The following ZNF480 variants were observed in gnomAD, a reference collection of about 807,000 sequenced individuals.
ZNF480 encodes zinc finger protein 480.
A neutral mutation model predicts 14.4 loss-of-function variants in ZNF480; 15 were observed. That is an observed-to-expected ratio of 1.04 (90% CI 0.70 to 1.60). The LOEUF (loss-of-function observed/expected upper bound fraction) is 1.60. ZNF480 is among the 40% of genes most tolerant of loss of function. ZNF480 has a pLI of 0.00. For synonymous variants in ZNF480, 218 were observed against 215.5 expected, an observed-to-expected ratio of 1.01 and a Z score of -0.10; for missense variants, 593 against 629.7, an observed-to-expected ratio of 0.94 and a Z score of 0.62.
chr19:52,314,473 C>CAAAAAA (rs34349660), intron 3 of ZNF480, among the ~76,000 whole-genome samples, 194 bp downstream of exon 3: 2 of 66,208 alleles, frequency 3.0e-5, no homozygotes, highest in African/African-American at 1.3e-4. Context: ...AACTCCGTCC[C>CAAAAAA]AAAAAAAAAA....
rs1983888423 is a variant in ZNF480 at position 52,322,544 on chromosome 19, T to C, written c.1294T>C (p.Cys432Arg). Residue 432 changes from cysteine (C) to arginine (R), a missense_variant, in exon 5 of 5, where the codon TGT becomes CGT. Coordinates refer to ENST00000595962, the MANE Select transcript of ZNF480 (RefSeq NM_144684.4). ...TGEKPYKCNE[C>R]GKAFSEYSGL... ...AGAGAAGCCTTACAAATGTAATGAA[T>C]GTGGTAAAGCATTTAGTGAGTATTC... 1.2e-6 allele frequency: 2 copies of C among 1,614,118 alleles called. No individual in the cohort carries two copies. Among genetic ancestry groups the C allele is most frequent in the Non-Finnish European group, 1.7e-6 (2 of 1,180,006 alleles).
intron 2 of ZNF480, among the ~76,000 whole-genome samples, chr19:52,305,705 T>A (rs1431817927): frequency 6.6e-6 from 1 of 152,090 alleles, no homozygotes; most frequent in Non-Finnish European, 1.5e-5. Context: ...GCTCACAGGT[T>A]TTGTGCAGCA....
chr19:52,300,633 T>C lies in ZNF480; in HGVS notation c.72+149T>C. On this transcript the variant is annotated intron_variant, in intron 2 of 4. Transcript: ENST00000595962. ...GCCTTCCCTCAGTGCCGAGACCAGC[T>C]TGGTCGTGGGGACCCTAACCTAGTG... The C allele has an allele frequency of 3.6e-6, 5 of 1,403,356 alleles. No homozygotes were observed. The African/African-American group carries it at 7.1e-5, about 20-fold the overall frequency. The allele number at this position is 1,403,356 out of a possible 1,614,324, so 86.9% of individuals were successfully genotyped here. A position where few individuals can be genotyped will look rare whatever the true frequency, so the allele number is the denominator to read the frequency against.
At chr19:52,312,894 C>T (rs1983357945) in intron 2 of ZNF480, among the ~76,000 whole-genome samples, 2 of 151,966 alleles carry the variant, frequency 1.3e-5, no homozygotes, top group Admixed American at 1.3e-4. Flanking sequence ...GATGTTGGCT[C>T]ATCGCAGCTT....
chr19:52,321,635 G>T lies in ZNF480; in HGVS notation c.385G>T (p.Gly129Ter), dbSNP rs1309238859. ...AEDKPIKKQLGVSFHLHLSEL... is the reference protein window; with the variant it reads ...AEDKPIKKQL ...AGACAAACCAATTAAAAAACAACTT[G>T]GAGTATCCTTTCACTTACATCTGTC... Residue 129 changes from glycine (G) to a stop codon, truncating the protein, a stop_gained, in exon 5 of 5, where the codon GGA becomes TGA. Transcript: ENST00000595962. LOFTEE classifies it low-confidence loss of function (END_TRUNC). 2.5e-6 allele frequency: 4 copies of T among 1,611,486 alleles called. No individual in the cohort carries two copies. Among genetic ancestry groups the T allele is most frequent in the Non-Finnish European group, 3.4e-6 (4 of 1,178,472 alleles).
Position 52,302,196 on chromosome 19 carries a change from A to G in ZNF480, c.72+1712A>G, listed in dbSNP as rs565210189. On this transcript the variant is annotated intron_variant, in intron 2 of 4. Coordinates refer to ENST00000595962, the MANE Select transcript of ZNF480 (RefSeq NM_144684.4). Reference sequence around the variant, plus strand: ...TTTACCTATTTCCCAACTTTTTGTTATGGGATCTCTCCACCAAACCAGTTC... The same window carrying G: ...TTTACCTATTTCCCAACTTTTTGTTGTGGGATCTCTCCACCAAACCAGTTC... 12 of 176,454 alleles carry G rather than the reference A, an allele frequency of 6.8e-5. No individual in the cohort carries two copies. The East Asian group carries it at 8.6e-4, about 13-fold the overall frequency. The allele number at this position is 176,454 out of a possible 1,614,324, so 10.9% of individuals were successfully genotyped here.
At chr19:52,297,776 C>T (rs1982481037) in intron 1 of ZNF480, 1 of 152,724 alleles carries the variant, frequency 6.5e-6, no homozygotes, top group Non-Finnish European at 1.5e-5. Flanking sequence ...CTTACTCTGT[C>T]TCTTGACATC....
chr19:52,304,650 C>T (rs1270669300), intron 2 of ZNF480, among the ~76,000 whole-genome samples: 1 of 151,870 alleles, frequency 6.6e-6, no homozygotes, highest in Non-Finnish European at 1.5e-5. Flanking sequence ...GTTTCTTTAA[C>T]CCTTTTAAAT....
At chr19:52,297,712 C>CA (rs1982476733) in intron 1 of ZNF480, 1 of 154,786 alleles carries the variant, frequency 6.5e-6, no homozygotes, top group African/African-American at 2.4e-5. Flanking sequence ...CGCTACTCCC[C>CA]AGGCCTCCTC....
intron 2 of ZNF480, among the ~76,000 whole-genome samples, chr19:52,303,198 C>T (rs1982778860): frequency 6.6e-6 from 1 of 152,088 alleles, no homozygotes; most frequent in South Asian, 2.1e-4. Context: ...AGTTTTTGAT[C>T]CAGAGTAAGA....
chr19:52,312,987 AT>A (rs1983361596), intron 2 of ZNF480, among the ~76,000 whole-genome samples: 1 of 151,860 alleles, frequency 6.6e-6, no homozygotes, highest in South Asian at 2.1e-4. Flanking sequence ...CCCCCAGCTG[AT>A]TTTTGTATTT....
intron 1 of ZNF480, among the ~76,000 whole-genome samples, chr19:52,298,248 C>G (rs1389369699): frequency 6.6e-6 from 1 of 150,678 alleles, no homozygotes; most frequent in Non-Finnish European, 1.5e-5. Flanking sequence ...AGGTGGAGGC[C>G]TGGGATCTCA....
intron 1 of ZNF480, among the ~76,000 whole-genome samples, chr19:52,298,271 G>C (rs1056060336): frequency 6.6e-6 from 1 of 151,952 alleles, no homozygotes; most frequent in Non-Finnish European, 1.5e-5. Context: ...GTGCCAGAGA[G>C]TGGGGACAAG....
rs201941162 is a variant in ZNF480, at chr19:52,314,315, C to T, written c.199+36C>T. 36 of 1,465,624 alleles carry T rather than the reference C, an allele frequency of 2.5e-5. No individual in the cohort carries two copies. The African/African-American group carries it at 4.3e-4, about 18-fold the overall frequency. The allele number at this position is 1,465,624 out of a possible 1,614,324, so 90.8% of individuals were successfully genotyped here. A position where few individuals can be genotyped will look rare whatever the true frequency, so the allele number is the denominator to read the frequency against. On this transcript the variant is annotated intron_variant, in intron 3 of 4. Coordinates refer to ENST00000595962, the MANE Select transcript of ZNF480 (RefSeq NM_144684.4). ...TGCCCCTGCAGAAGCCGGGATCTGCCCTTGGTTATTTCAGCATTTTCCCTT... is the reference window on the plus strand; with the variant it reads ...TGCCCCTGCAGAAGCCGGGATCTGCTCTTGGTTATTTCAGCATTTTCCCTT...
rs1448005768 is a variant in ZNF480 at position 52,321,875 on chromosome 19, A to T, written c.625A>T (p.Ser209Cys). ...REKPYECNEH[S>C]KVFRVSSSLT... ...AAAACCTTATGAATGTAATGAGCAT[A>T]GCAAAGTCTTTAGAGTATCTTCCAG... The change falls in exon 5 of 5, where the codon AGC becomes TGC. Residue 209 changes from serine to cysteine, a missense_variant. Physicochemically the swap from Ser to Cys is moderately radical, Grantham distance 112 (BLOSUM62 -1). Coordinates refer to ENST00000595962, the MANE Select transcript of ZNF480 (RefSeq NM_144684.4). 1 of 1,614,170 alleles carries T rather than the reference A, an allele frequency of 6.2e-7. No homozygotes were observed. Among genetic ancestry groups the T allele is most frequent in the African/African-American group, 1.3e-5 (1 of 75,072 alleles).
rs56151161 is a variant in ZNF480 at position 52,319,811 on chromosome 19, G to GTT, written c.329-1745_329-1744dup. On this transcript the variant is annotated intron_variant, in intron 4 of 4. Transcript: ENST00000595962. The stretch of plus-strand genomic sequence containing the variant: ...TTTTGGTCTTTGTAGCTGATACTGT[G>GTT]TTTTTTTTTTTTTTTTTTTTTTTTA... Among the ~76,000 whole-genome samples, 342 of 96,706 alleles carry GTT rather than the reference G, an allele frequency of 3.5e-3. 1 individual carries two copies. The highest frequency in any genetic ancestry group is 7.4e-3 in the African/African-American group (207 of 27,908). 63.4% of individuals were successfully genotyped at this position (96,706 alleles called of 152,430 possible).
At chr19:52,317,832 C>T (rs186106914) in intron 4 of ZNF480, among the ~76,000 whole-genome samples, 12 of 152,200 alleles carry the variant, frequency 7.9e-5, no homozygotes, top group East Asian at 7.7e-4. Context: ...TCCATATTTT[C>T]GACAACACTT....
chr19:52,305,960 T>A (rs1355183962), intron 2 of ZNF480, among the ~76,000 whole-genome samples: 1 of 152,168 alleles, frequency 6.6e-6, no homozygotes, highest in East Asian at 1.9e-4. Context: ...CAGCCTGACT[T>A]GCTGGTTTTT....
At chr19:52,316,834 G>A (rs540258393) in intron 4 of ZNF480, among the ~76,000 whole-genome samples, 34 of 152,208 alleles carry the variant, frequency 2.2e-4, no homozygotes, top group African/African-American at 1.7e-4. Flanking sequence ...CTCACTTAGC[G>A]TAGTGTCTTT....
Sources: allele counts gnomAD v4.1 joint callset (sites outside exome capture counted in the v4.1 genomes callset), GRCh38; gene constraint gnomAD v4.1.1; transcripts MANE v1.5; gene names NCBI Gene and HGNC (gene_info 2026-07-23, HGNC 2026-07-21).